Variants in ZC3H12B observed in about 807,000 individuals in gnomAD.
The protein encoded by ZC3H12B is probable ribonuclease ZC3H12B.
A neutral mutation model predicts 43.9 loss-of-function variants in ZC3H12B; 7 were observed. The ratio of observed to expected loss-of-function variants is 0.16; its 90% CI spans 0.09 to 0.30. The LOEUF (loss-of-function observed/expected upper bound fraction) is 0.30. Ranked by LOEUF, ZC3H12B falls within the 10% of genes least tolerant of loss-of-function variation. The pLI is 1.00. For missense variants in ZC3H12B, 475 were observed against 670.2 expected (o/e 0.71, Z 3.22); for synonymous variants, 222 against 241.7 (o/e 0.92, Z 0.76).
the ZC3H12B span, among the ~76,000 whole-genome samples, chrX:65,190,887 G>T: frequency 9.4e-6 from 1 of 105,823 alleles, no homozygotes; most frequent in Non-Finnish European, 1.9e-5. Context: ...AGTTTTCAAA[G>T]GGAATGCTTC....
At chrX:65,256,997 T>G in the ZC3H12B span, among the ~76,000 whole-genome samples, 1 of 112,162 alleles carries the variant, frequency 8.9e-6, no homozygotes, top group East Asian at 2.8e-4. Context: ...ACTTTTACAC[T>G]GTTGGTGGGA....
chrX:65,195,252 C>T, the ZC3H12B span, among the ~76,000 whole-genome samples: 3 of 111,054 alleles, frequency 2.7e-5, no homozygotes, highest in Non-Finnish European at 5.7e-5. Context: ...TTTCTTCCTA[C>T]CTGTCTCCTT....
chrX:65,451,123 T>C (rs1193847614), intron 3 of ZC3H12B, among the ~76,000 whole-genome samples: 1 of 109,044 alleles, frequency 9.2e-6, no homozygotes, highest in African/African-American at 3.3e-5. Flanking sequence ...AATTTTTTTG[T>C]ATTTATAGTA....
chrX:65,393,260 A>T (rs190034311), intron 2 of ZC3H12B, among the ~76,000 whole-genome samples: 40 of 111,256 alleles, frequency 3.6e-4, no homozygotes, highest in African/African-American at 4.6e-4. Context: ...TAAAAAAATT[A>T]AAAAAAAATT....
At chrX:65,284,108 T>A in the ZC3H12B span, among the ~76,000 whole-genome samples, 1 of 110,422 alleles carries the variant, frequency 9.1e-6, no homozygotes, top group Non-Finnish European at 1.9e-5. Context: ...TATTTGCACC[T>A]AGAATCAAAG....
intron 3 of ZC3H12B, among the ~76,000 whole-genome samples, chrX:65,450,769 G>A (rs200595014): frequency 9.3e-4 from 29 of 31,252 alleles, no homozygotes; most frequent in South Asian, 1.4e-3. Flanking sequence ...ATATGTATAT[G>A]TATACATATG....
chrX:65,483,430 C>G (rs1324946530), intron 3 of ZC3H12B, among the ~76,000 whole-genome samples: 2 of 111,651 alleles, frequency 1.8e-5, no homozygotes, highest in Non-Finnish European at 3.8e-5. Context: ...TTATGTGAAT[C>G]TTTTCATTTT....
chrX:65,169,392 T>C, the ZC3H12B span, among the ~76,000 whole-genome samples: 1 of 112,141 alleles, frequency 8.9e-6, no homozygotes, highest in Non-Finnish European at 1.9e-5. Flanking sequence ...CACTGTGGTC[T>C]GAGAGACAGT....
At chrX:65,503,271 CAAT>C (rs2068392918) in exon 5 of ZC3H12B, 10 of 912,683 alleles carry the variant, frequency 1.1e-5, no homozygotes, top group Middle Eastern at 7.9e-4. Context: ...TACACTAATA[CAAT>C]AATTATAGTA....
chrX:65,160,814 G>T, the ZC3H12B span, among the ~76,000 whole-genome samples: 1 of 111,202 alleles, frequency 9.0e-6, no homozygotes, highest in African/African-American at 3.3e-5. Flanking sequence ...TTTTGAATGT[G>T]TTTGCTCTTG....
the ZC3H12B span, among the ~76,000 whole-genome samples, chrX:65,310,531 T>C: frequency 8.0e-5 from 9 of 112,210 alleles, no homozygotes; most frequent in Non-Finnish European, 1.7e-4. Context: ...TCTATGCTCA[T>C]GGATAAGAAG....
the ZC3H12B span, among the ~76,000 whole-genome samples, chrX:65,047,983 A>G: frequency 1.8e-5 from 2 of 111,236 alleles, no homozygotes; most frequent in African/African-American, 6.5e-5. Flanking sequence ...ACAGTACAGT[A>G]TTATAAATTA....
chrX:65,063,081 A>G, the ZC3H12B span, among the ~76,000 whole-genome samples: 1 of 112,209 alleles, frequency 8.9e-6, no homozygotes, highest in Non-Finnish European at 1.9e-5. Context: ...GGGGTTTTCT[A>G]AATATACAAT....
At chrX:65,272,266 T>G in the ZC3H12B span, 6 of 77,552 alleles carry the variant, frequency 7.7e-5, no homozygotes, top group African/African-American at 1.9e-3. Flanking sequence ...AATACTAAAT[T>G]TAGTAAAAAA....
the ZC3H12B span, among the ~76,000 whole-genome samples, chrX:65,339,232 T>C: frequency 1.8e-5 from 2 of 109,720 alleles, no homozygotes; most frequent in African/African-American, 6.7e-5. Context: ...AGGGAAGGCA[T>C]AGAGAATGGA....
In ZC3H12B at chrX:65,389,633, C is replaced by G. The variant is rs1281874444; in HGVS notation, n.296-8960C>G. Among the ~76,000 whole-genome samples the G allele has an allele frequency of 2.7e-5, 3 of 112,595 alleles. No individual in the cohort carries two copies. In the Admixed American group the frequency reaches 2.8e-4, roughly 11 times the overall value. On this transcript the variant is annotated intron_variant and non_coding_transcript_variant, in intron 2 of 5. Coordinates refer to the ZC3H12B transcript ENST00000617377. The stretch of plus-strand genomic sequence containing the variant: ...CCGCTCATGCTTGGTGCACTGCACC[C>G]ACAGTCCTGCACCCACTTTCCAACA...
In ZC3H12B at chrX:65,499,030, A is replaced by G. The variant is rs781274949; in HGVS notation, c.780A>G (p.Glu260=). The change falls in exon 3 of 5, where the codon GAA becomes GAG. Residue 260 remains glutamate (E), a synonymous_variant. Transcript: ENST00000338957. ...ATATTCTACGAAAACTGGAGAAGGA[A>G]AAGATTCTTGTCTTCACACCATCCC... The G allele has an allele frequency of 4.1e-6, 5 of 1,209,304 alleles. No homozygotes were observed. The African/African-American group carries it at 8.7e-5, about 21-fold the overall frequency.
chrX:65,366,312 G>A (rs904035338), upstream of ZC3H12B, among the ~76,000 whole-genome samples: 3 of 111,511 alleles, frequency 2.7e-5, no homozygotes, highest in Admixed American at 9.5e-5. Context: ...TTTAATAGAA[G>A]CTTGTTTCTT....
At chrX:65,255,302 A>C in the ZC3H12B span, among the ~76,000 whole-genome samples, 3 of 111,781 alleles carry the variant, frequency 2.7e-5, no homozygotes, top group South Asian at 3.7e-4. Context: ...AGTCAGCTAG[A>C]GAGAAGAGGC....
Sources: allele counts gnomAD v4.1 joint callset (sites outside exome capture counted in the v4.1 genomes callset), GRCh38; gene constraint gnomAD v4.1.1; transcripts MANE v1.5; gene names NCBI Gene and HGNC (gene_info 2026-07-23, HGNC 2026-07-21).